Variants in CSMD1 observed in about 807,000 individuals in gnomAD.
The protein encoded by CSMD1 is CUB and sushi domain-containing protein 1.
A neutral mutation model predicts 417.5 loss-of-function variants in CSMD1; 213 were observed. The ratio of observed to expected loss-of-function variants is 0.51; its 90% CI spans 0.46 to 0.57. The LOEUF is 0.57. CSMD1 is among the 20% of genes least tolerant of loss of function. The probability of loss-of-function intolerance (pLI) is 0.00; values close to 1 mark genes in which losing one functional copy is unlikely to be tolerated. For synonymous variants in CSMD1, 2,862 were observed against 1,736.8 expected (o/e 1.65, Z -16.11); for missense variants, 6,923 against 4,529.7 (o/e 1.53, Z -15.17).
At chr8:3,252,819 A>G (rs1800372901) in intron 26 of CSMD1, among the ~76,000 whole-genome samples, 1 of 151,850 alleles carries the variant, frequency 6.6e-6, no homozygotes, top group African/African-American at 2.4e-5. Flanking sequence ...AAATTTATCC[A>G]TTTCTTCTAG....
intron 33 of CSMD1, among the ~76,000 whole-genome samples, chr8:3,195,326 G>A (rs549419311): frequency 1.3e-5 from 2 of 152,248 alleles, no homozygotes; most frequent in East Asian, 3.9e-4. Flanking sequence ...GCAGGAAAGA[G>A]AAGGATGTGG....
intron 1 of CSMD1, among the ~76,000 whole-genome samples, chr8:4,664,592 A>G (rs535545292): frequency 3.9e-5 from 6 of 152,316 alleles, no homozygotes; most frequent in African/African-American, 1.4e-4. Context: ...TAACAAAAAT[A>G]AATACATTTT....
intron 10 of CSMD1, among the ~76,000 whole-genome samples, chr8:3,539,178 G>T (rs987007873): frequency 6.6e-6 from 1 of 152,088 alleles, no homozygotes; most frequent in Non-Finnish European, 1.5e-5. Context: ...CAGGGCTCTT[G>T]CATTTGCTGT....
At chr8:3,982,941 A>C (rs965000596) in intron 5 of CSMD1, among the ~76,000 whole-genome samples, 4 of 152,144 alleles carry the variant, frequency 2.6e-5, no homozygotes, top group African/African-American at 9.7e-5. Context: ...TGCACTTTGC[A>C]GATGAAAAAC....
chr8:3,553,559 A>G (rs896725438), intron 10 of CSMD1, among the ~76,000 whole-genome samples: 2 of 152,222 alleles, frequency 1.3e-5, no homozygotes, highest in Non-Finnish European at 2.9e-5. Context: ...GGAATATCCA[A>G]CAATTACAGC....
chr8:4,987,374 G>C (rs1811233396), intron 1 of CSMD1, among the ~76,000 whole-genome samples: 2 of 152,198 alleles, frequency 1.3e-5, no homozygotes, highest in Non-Finnish European at 2.9e-5. Context: ...AGTACAGAAA[G>C]CAGAGGGTTG....
intron 7 of CSMD1, among the ~76,000 whole-genome samples, chr8:3,648,467 A>G (rs1386435953): frequency 6.6e-6 from 1 of 152,232 alleles, no homozygotes; most frequent in African/African-American, 2.4e-5. Context: ...TTTCAGGGAC[A>G]AGATGGCTCT....
chr8:3,892,544 AAT>A (rs1417665789), intron 5 of CSMD1, among the ~76,000 whole-genome samples: 2 of 151,626 alleles, frequency 1.3e-5, no homozygotes, highest in Non-Finnish European at 2.9e-5. Context: ...AAATAATAAT[AAT>A]AATAATAATA....
chr8:4,228,435 A>G (rs1563305611), intron 3 of CSMD1, among the ~76,000 whole-genome samples: 2 of 151,850 alleles, frequency 1.3e-5, no homozygotes, highest in Admixed American at 1.3e-4. Context: ...CAGCACCTAC[A>G]CTCATCTCAG....
At chr8:4,899,697 A>G (rs541521767) in intron 1 of CSMD1, among the ~76,000 whole-genome samples, 3 of 152,206 alleles carry the variant, frequency 2.0e-5, no homozygotes, top group Non-Finnish European at 2.9e-5. Flanking sequence ...AAATGTGTAT[A>G]GTTAAAAATT....
chr8:3,843,358 T>C (rs1343863175), intron 5 of CSMD1, among the ~76,000 whole-genome samples: 3 of 152,202 alleles, frequency 2.0e-5, no homozygotes, highest in Non-Finnish European at 2.9e-5. Context: ...ACTGAATATT[T>C]ATTGTGTGCT....
At chr8:4,545,573 G>C (rs757006990) in intron 2 of CSMD1, among the ~76,000 whole-genome samples, 3 of 152,140 alleles carry the variant, frequency 2.0e-5, no homozygotes, top group Non-Finnish European at 4.4e-5. Context: ...AGGTTCTTTG[G>C]GTCACAGTGA....
chr8:3,952,772 A>C (rs1301972611), intron 5 of CSMD1, among the ~76,000 whole-genome samples: 1 of 152,248 alleles, frequency 6.6e-6, no homozygotes, highest in East Asian at 1.9e-4. Flanking sequence ...ACTTCAATAA[A>C]AACAAAAGAA....
At chr8:3,829,976 T>G (rs919567703) in intron 5 of CSMD1, among the ~76,000 whole-genome samples, 3 of 152,070 alleles carry the variant, frequency 2.0e-5, no homozygotes, top group Non-Finnish European at 2.9e-5. Context: ...GCTCATATGT[T>G]TTTTGTTTAT....
rs773886343 is a variant in CSMD1 at position 3,087,283 on chromosome 8, G to C, written c.7288C>G (p.Pro2430Ala). The change falls in exon 49 of 70, where the codon CCT becomes GCT. Residue 2430 changes from proline (P) to alanine (A), a missense_variant and splice_region_variant. Transcript: ENST00000635120. ...KKGFKIRYAA[P>A]YCSLTHPLKN... The stretch of plus-strand genomic sequence containing the variant: ...AGGGGGTGGGTCAAACTGCAGTAAG[G>C]TGCTGTGGGCAGACAGACACACACA... 14 of 1,613,370 alleles carry C rather than the reference G, an allele frequency of 8.7e-6. No individual in the cohort carries two copies. In the African/African-American group the frequency reaches 1.6e-4, roughly 18 times the overall value.
intron 5 of CSMD1, among the ~76,000 whole-genome samples, chr8:3,814,905 C>G (rs78414436): frequency 0.021 from 3,200 of 152,140 alleles, 52 homozygotes; most frequent in African/African-American, 0.029. Context: ...AAATAAATGA[C>G]TTTAAAAACC....
chr8:3,445,052 G>A (rs1815214490), intron 12 of CSMD1, among the ~76,000 whole-genome samples: 1 of 152,148 alleles, frequency 6.6e-6, no homozygotes, highest in Non-Finnish European at 1.5e-5. Flanking sequence ...CTCTGGAGAT[G>A]CAATCGGCAA....
Position 4,767,418 on chromosome 8 carries a change from T to G in CSMD1, c.86-129860A>C, listed in dbSNP as rs983974839. ...TTCTGGTACCTGTGCACTATCATTC[T>G]CATTAAAACATCATCCTGACCAATC... On this transcript the variant is annotated intron_variant, in intron 1 of 69. Coordinates refer to ENST00000635120, the MANE Select transcript of CSMD1 (RefSeq NM_033225.6). Among the ~76,000 whole-genome samples the G allele has an allele frequency of 2.0e-5, 3 of 152,210 alleles. No individual in the cohort carries two copies. In the East Asian group the frequency reaches 5.8e-4, roughly 29 times the overall value.
At chr8:4,577,340 A>G (rs2130681412) in intron 2 of CSMD1, among the ~76,000 whole-genome samples, 1 of 152,308 alleles carries the variant, frequency 6.6e-6, no homozygotes, top group African/African-American at 2.4e-5. Flanking sequence ...CAAAATATTT[A>G]GGAGAGCTTA....
Sources: gnomAD v4.1 joint callset for allele counts (sites outside exome capture counted in the v4.1 genomes callset) on GRCh38, gnomAD v4.1.1 for gene constraint, MANE v1.5 for transcripts, NCBI Gene and HGNC (gene_info 2026-07-23, HGNC 2026-07-21) for gene names.